The following SPAG1 variants were observed in gnomAD, a reference collection of about 807,000 sequenced individuals.
SPAG1 encodes sperm-associated antigen 1.
In SPAG1, 69 loss-of-function variants were observed where a neutral mutation model predicts 100.5. The ratio of observed to expected loss-of-function variants is 0.69; its 90% CI spans 0.57 to 0.84. The LOEUF (loss-of-function observed/expected upper bound fraction) is 0.84. SPAG1 is among the 40% of genes least tolerant of loss of function. SPAG1 has a pLI of 0.00. For missense variants in SPAG1, 955 were observed against 1,133.1 expected (o/e 0.84, Z 2.26); for synonymous variants, 336 against 411.6 (o/e 0.82, Z 2.22).
Position 100,239,337 on chromosome 8 carries a change from T to A in SPAG1, c.2213T>A (p.Leu738His). 6.3e-7 allele frequency: 1 copy of A among 1,593,466 alleles called. No individual in the cohort carries two copies. The highest frequency in any genetic ancestry group is 8.6e-7 in the Non-Finnish European group (1 of 1,167,816). ...KMELEEVTRL[L>H]NLKDKTAPFN... ...GAACTGGAAGAGGTAACTAGACTCC[T>A]TAATCTTAAGGATAAGACAGCACCA... Residue 738 changes from leucine to histidine, a missense_variant, in exon 17 of 19, where the codon CTT becomes CAT. By Grantham distance (99) the Leu-to-His change is moderately conservative (BLOSUM62 -3). Coordinates refer to ENST00000388798, the MANE Select transcript of SPAG1 (RefSeq NM_003114.5). This position sits in a 1 kb window ranked among gnomAD's most constrained non-coding sequence, Gnocchi z 5.0.
chr8:100,224,138 A>G (rs1043858658), intron 13 of SPAG1, among the ~76,000 whole-genome samples: 2 of 152,176 alleles, frequency 1.3e-5, no homozygotes, highest in Non-Finnish European at 2.9e-5. Flanking sequence ...ATAATGAAAA[A>G]GTGATCACTG....
intron 10 of SPAG1, among the ~76,000 whole-genome samples, chr8:100,212,278 C>T (rs1817748824): frequency 1.3e-5 from 2 of 152,096 alleles, no homozygotes; most frequent in African/African-American, 4.8e-5. Flanking sequence ...AAAATATATC[C>T]ATTAAGAATC....
At chr8:100,184,154 T>A in intron 6 of SPAG1, 92 bp downstream of exon 6, 1 of 517,746 alleles carries the variant, frequency 1.9e-6, no homozygotes, top group South Asian at 4.0e-5. Flanking sequence ...CTTTGAGTAC[T>A]GCACAGATTA....
intron 15 of SPAG1, 136 bp from the exon 16 acceptor site, chr8:100,233,275 G>A: frequency 4.3e-6 from 4 of 925,134 alleles, no homozygotes; most frequent in Middle Eastern, 2.7e-4. Flanking sequence ...TGAATCAAAT[G>A]TTAAGTTTCA....
intron 14 of SPAG1, among the ~76,000 whole-genome samples, chr8:100,228,966 A>G (rs944334140): frequency 1.8e-4 from 27 of 152,228 alleles, no homozygotes; most frequent in Admixed American, 1.8e-3. Flanking sequence ...TGTCACTGAA[A>G]GGGCCCAGAC....
Position 100,220,422 on chromosome 8 carries a change from GTGTTAACAGGTAATTAATC to G in SPAG1, c.1682_1688+12del. 2 of 1,608,962 alleles carry G rather than the reference GTGTTAACAGGTAATTAATC, an allele frequency of 1.2e-6. No individual in the cohort carries two copies. The highest frequency in any genetic ancestry group is 1.7e-6 in the Non-Finnish European group (2 of 1,178,500). On this transcript the variant is annotated splice_donor_variant and splice_donor_5th_base_variant and coding_sequence_variant and intron_variant, in exon 13 of 19. Coordinates refer to ENST00000388798, the MANE Select transcript of SPAG1 (RefSeq NM_003114.5). LOFTEE classifies it high-confidence loss of function. ...TGTGGACTCCAGCTAGCAAATGACA[GTGTTAACAGGTAATTAATC>G]TGAGGCAGCTACCTAAAATCTAGTT...
In SPAG1 at chr8:100,202,709, C is replaced by CAAAA. The variant is rs750153561; in HGVS notation, c.1096+8467_1096+8470dup. ...TGGGCGACAGAGCGAGACTCCGTCT[C>CAAAA]AAAAAAAAAAAAAAAAAAAAAAAAA... On this transcript the variant is annotated intron_variant, in intron 10 of 18. Coordinates refer to ENST00000388798, the MANE Select transcript of SPAG1 (RefSeq NM_003114.5). Among the ~76,000 whole-genome samples, 34 of 27,464 alleles carry CAAAA rather than the reference C, an allele frequency of 1.2e-3. 2 individuals are homozygous for CAAAA. The highest frequency in any genetic ancestry group is 4.1e-3 in the African/African-American group (25 of 6,154). The allele number at this position is 27,464 out of a possible 152,430, so 18.0% of individuals were successfully genotyped here.
intron 10 of SPAG1, among the ~76,000 whole-genome samples, chr8:100,197,029 T>C (rs769713674): frequency 6.6e-6 from 1 of 152,094 alleles, no homozygotes; most frequent in African/African-American, 2.4e-5. Flanking sequence ...AATGGGACTA[T>C]AGGCACACCA....
chr8:100,169,328 G>C (rs145054463), intron 3 of SPAG1, among the ~76,000 whole-genome samples: 1 of 152,242 alleles, frequency 6.6e-6, no homozygotes, highest in East Asian at 1.9e-4. Flanking sequence ...CTGAGACAAG[G>C]GGATCACTTG....
intron 10 of SPAG1, among the ~76,000 whole-genome samples, chr8:100,201,052 A>T (rs901374334): frequency 2.0e-5 from 3 of 152,050 alleles, no homozygotes; most frequent in African/African-American, 7.2e-5. Context: ...ATATATAAGA[A>T]TCCATTGTCA....
rs1818868479 is a variant in SPAG1, at chr8:100,233,444, A to G, written c.2022A>G (p.Glu674=). The G allele has an allele frequency of 1.9e-6, 3 of 1,614,040 alleles. No individual in the cohort carries two copies. The South Asian group carries it at 3.3e-5, about 18-fold the overall frequency. ...GTTACTTGAAGCTGTGCCAGTTTGA[A>G]GAAGCAAAGCAGGACTGTGATCAGG... is the stretch of plus-strand genomic sequence containing the variant. ...ALCYLKLCQF[E]EAKQDCDQAL... Residue 674 remains glutamate (E), a synonymous_variant, in exon 16 of 19, where the codon GAA becomes GAG. Transcript: ENST00000388798.
At chr8:100,178,660 A>T (rs1231565708) in intron 4 of SPAG1, among the ~76,000 whole-genome samples, 1 of 152,168 alleles carries the variant, frequency 6.6e-6, no homozygotes, top group East Asian at 1.9e-4. Context: ...TTATTTTAAA[A>T]ACATCCATGG....
intron 14 of SPAG1, among the ~76,000 whole-genome samples, chr8:100,228,539 C>T (rs1047229703): frequency 2.6e-5 from 4 of 151,876 alleles, no homozygotes; most frequent in Admixed American, 2.0e-4. Context: ...ATGGCAAAAC[C>T]CTGTCTCTAC....
intron 2 of SPAG1, chr8:100,165,567 C>G (rs1815512084): frequency 4.7e-6 from 2 of 421,954 alleles, no homozygotes; most frequent in East Asian, 9.3e-5. Context: ...GCCCCACTCA[C>G]CCTTATCCAG....
chr8:100,213,014 C>CCGCGGCCTA, intron 10 of SPAG1, 76 bp from the exon 11 acceptor site: 1 of 1,098,750 alleles, frequency 9.1e-7, no homozygotes, highest in Non-Finnish European at 1.1e-6. Context: ...TCCTGCACCC[C>CCGCGGCCTA]CGCGGCCTCC....
intron 10 of SPAG1, among the ~76,000 whole-genome samples, chr8:100,210,180 T>G (rs2132340618): frequency 6.7e-6 from 1 of 150,276 alleles, no homozygotes; most frequent in East Asian, 1.9e-4. Context: ...CTTCTATTCC[T>G]AGTTTTCTGA....
At chr8:100,160,139 G>A (rs1815242112) in intron 1 of SPAG1, among the ~76,000 whole-genome samples, 1 of 152,200 alleles carries the variant, frequency 6.6e-6, no homozygotes. Context: ...ATTAGCATTA[G>A]CAGCAGTATC....
chr8:100,183,887 A>C (rs986839657), intron 5 of SPAG1, 69 bp from the exon 6 acceptor site: 14 of 734,236 alleles, frequency 1.9e-5, no homozygotes, highest in African/African-American at 5.6e-5. Context: ...AAATATAAGA[A>C]TATCAATGAT....
chr8:100,167,022 C>T (rs1815591369), intron 3 of SPAG1, among the ~76,000 whole-genome samples: 1 of 152,140 alleles, frequency 6.6e-6, no homozygotes. Context: ...TCATACACCA[C>T]CCCCAACAGT....
Sources: gnomAD v4.1 joint callset for allele counts (sites outside exome capture counted in the v4.1 genomes callset) on GRCh38, gnomAD v4.1.1 for gene constraint, Gnocchi (gnomAD v3.1) non-coding constraint, MANE v1.5 for transcripts, NCBI Gene and HGNC (gene_info 2026-07-23, HGNC 2026-07-21) for gene names.